Variants in SART3 observed in about 807,000 individuals in gnomAD.
SART3 encodes the protein HIV-1 Tat-interacting protein of 110kDa.
A neutral mutation model predicts 122.3 loss-of-function variants in SART3; 44 were observed. That is an observed-to-expected ratio of 0.36 (90% confidence interval 0.28 to 0.46). SART3 has a LOEUF of 0.46. Ranked by LOEUF, SART3 falls within the 20% of genes least tolerant of loss-of-function variation. SART3 has a pLI of 1.00. For synonymous variants in SART3, 442 were observed against 454.0 expected, an observed-to-expected ratio of 0.97 and a Z score of 0.34; for missense variants, 1,101 against 1,229.0, an observed-to-expected ratio of 0.90 and a Z score of 1.56.
chr12:108,526,378 G>A lies in SART3; in HGVS notation c.2091C>T (p.His697=), dbSNP rs140374660. The change falls in exon 16 of 19, where the codon CAC becomes CAT. Residue 697 remains histidine (H), a synonymous_variant. Coordinates refer to ENST00000546815, the MANE Select transcript of SART3 (RefSeq NM_014706.4). ...CGGTGATGCTGTCCTTGCTGCTGTC[G>A]TGCAGCACCTTGGGCATGTCCCTCT... is the stretch of plus-strand genomic sequence containing the variant. ...SLKRDMPKVL[H]DSSKDSITVF... 40 of 1,613,798 alleles carry A rather than the reference G, an allele frequency of 2.5e-5. No individual in the cohort carries two copies. Among genetic ancestry groups the A allele is most frequent in the African/African-American group, 5.3e-5 (4 of 74,920 alleles).
At chr12:108,555,155 A>C (rs951529955) in intron 1 of SART3, among the ~76,000 whole-genome samples, 1 of 152,232 alleles carries the variant, frequency 6.6e-6, no homozygotes, top group Non-Finnish European at 1.5e-5. Flanking sequence ...ACTATACTTA[A>C]CACTACTGAA....
Position 108,545,984 on chromosome 12 carries a change from A to AAAAC in SART3, c.545-662_545-661insGTTT, listed in dbSNP as rs1485251667. 3.4e-5 allele frequency among the ~76,000 whole-genome samples: 5 copies of AAAAC among 149,100 alleles called. No homozygotes were observed. In the East Asian group the frequency reaches 9.7e-4, roughly 29 times the overall value. On this transcript the variant is annotated intron_variant, in intron 3 of 18. Transcript: ENST00000546815. ...CTCTCTCTCAAAAAAAAAAAAAAAAACACACATATAATATAGTTTTATATT... is the reference window on the plus strand; with the variant it reads ...CTCTCTCTCAAAAAAAAAAAAAAAAAAAACCACACATATAATATAGTTTTATATT...
chr12:108,535,293 G>C, intron 12 of SART3, 66 bp downstream of exon 12: 2 of 1,288,364 alleles, frequency 1.6e-6, no homozygotes, highest in Non-Finnish European at 2.3e-6. Context: ...GTAGGAGTCA[G>C]CCAGGAGTGA....
intron 14 of SART3, among the ~76,000 whole-genome samples, 191 bp from the exon 15 acceptor site, chr12:108,530,501 GTC>G (rs1872628226): frequency 6.6e-6 from 1 of 152,138 alleles, no homozygotes; most frequent in African/African-American, 2.4e-5. Context: ...TGGATCTGAT[GTC>G]TCTGTTACAT....
In SART3 at chr12:108,526,447, A is replaced by G. The variant is rs148887014; in HGVS notation, c.2022T>C (p.Asp674=). The change falls in exon 16 of 19, where the codon GAT becomes GAC. Residue 674 remains aspartate, a synonymous_variant. Transcript: ENST00000546815. ...CCTTCTGCTTCGAAGGGGGCTCCAC[A>G]TCTACGGCAGCACATTTCCCAGCGG... ...AGPAGKCAAV[D]VEPPSKQKEK... The G allele has an allele frequency of 5.0e-6, 8 of 1,614,068 alleles. No individual in the cohort carries two copies. Among genetic ancestry groups the G allele is most frequent in the South Asian group, 1.1e-5 (1 of 91,086 alleles).
At chr12:108,540,071 A>G (rs969991610) in intron 6 of SART3, among the ~76,000 whole-genome samples, 17 of 152,206 alleles carry the variant, frequency 1.1e-4, no homozygotes, top group African/African-American at 4.1e-4. Context: ...AAAAGAGTCA[A>G]GAAGCCCAAA....
chr12:108,550,013 C>CAA (rs10572379), intron 1 of SART3, among the ~76,000 whole-genome samples: 47 of 88,154 alleles, frequency 5.3e-4, no homozygotes, highest in African/African-American at 1.3e-3. Context: ...GACCCAATCT[C>CAA]AAAAAAAAAA....
At chr12:108,556,409 TA>T (rs2030221425) in intron 1 of SART3, among the ~76,000 whole-genome samples, 1 of 152,248 alleles carries the variant, frequency 6.6e-6, no homozygotes, top group African/African-American at 2.4e-5. Context: ...GAAACTCTTG[TA>T]CATGATGTGA....
intron 1 of SART3, among the ~76,000 whole-genome samples, chr12:108,550,225 C>T (rs1385456232): frequency 1.3e-5 from 2 of 151,862 alleles, no homozygotes; most frequent in African/African-American, 4.8e-5. Flanking sequence ...TGAAGAATAG[C>T]TAAAGGAAGT....
rs554785720 is a variant in SART3, at chr12:108,539,615, G to GA, written c.907-527dup. ...AAGACATACAATCAAATTCTTTTTAGAAAAAAATCTTATTCGACATGTTTT... is the reference window on the plus strand; with the variant it reads ...AAGACATACAATCAAATTCTTTTTAGAAAAAAAATCTTATTCGACATGTTTT... On this transcript the variant is annotated intron_variant, in intron 6 of 18. Transcript: ENST00000546815. Among the ~76,000 whole-genome samples the GA allele has an allele frequency of 2.0e-5, 3 of 152,282 alleles. No individual in the cohort carries two copies. The South Asian group carries it at 6.2e-4, about 32-fold the overall frequency.
intron 11 of SART3, 53 bp downstream of exon 11, chr12:108,536,461 G>A: frequency 6.6e-7 from 1 of 1,512,760 alleles, no homozygotes; most frequent in Non-Finnish European, 9.2e-7. Flanking sequence ...AGTTTAATAG[G>A]ATGCTATTAA....
chr12:108,548,280 C>T (rs1184505694), intron 2 of SART3, among the ~76,000 whole-genome samples: 1 of 152,192 alleles, frequency 6.6e-6, no homozygotes, highest in Non-Finnish European at 1.5e-5. Context: ...GTGATAGTAA[C>T]ACTAATAATA....
At chr12:108,539,887 A>G (rs1477619603) in intron 6 of SART3, among the ~76,000 whole-genome samples, 1 of 152,240 alleles carries the variant, frequency 6.6e-6, no homozygotes, top group Non-Finnish European at 1.5e-5. Flanking sequence ...TAAATTAAAT[A>G]TAATATCTTC....
intron 5 of SART3, among the ~76,000 whole-genome samples, chr12:108,543,616 C>T (rs765677220): frequency 1.2e-4 from 19 of 152,318 alleles, no homozygotes; most frequent in African/African-American, 4.1e-4. Context: ...GGTTGTTTCA[C>T]GCTGGTAGGT....
rs748139593 is a variant in SART3, at chr12:108,549,226, A to G, written c.313-12T>C. The G allele has an allele frequency of 1.7e-5, 28 of 1,613,972 alleles. No individual in the cohort carries two copies. The Admixed American group carries it at 4.7e-4, about 27-fold the overall frequency. ...ACGTTGATAGACAACTAACAGGAAA[A>G]GAAACAAGTTGAAATTTAAAACACC... On this transcript the variant is annotated splice_polypyrimidine_tract_variant and intron_variant, in intron 1 of 18. Coordinates refer to ENST00000546815, the MANE Select transcript of SART3 (RefSeq NM_014706.4).
chr12:108,555,965 AAG>A (rs1425478132), intron 1 of SART3, among the ~76,000 whole-genome samples: 2 of 152,206 alleles, frequency 1.3e-5, no homozygotes, highest in Non-Finnish European at 2.9e-5. Flanking sequence ...AGACAAACTG[AAG>A]AGAGAGCCCA....
rs761902002 is a variant in SART3 at position 108,532,259 on chromosome 12, G to A, written c.1632C>T (p.His544=). 32 of 1,614,046 alleles carry A rather than the reference G, an allele frequency of 2.0e-5. No homozygotes were observed. Among genetic ancestry groups the A allele is most frequent in the South Asian group, 2.0e-4 (18 of 91,084 alleles). The part of the protein sequence containing the change: ...AVQCTSDYPE[H]VCEVLLTMER... ...CCATGGTGAGTAACACTTCGCAGAC[G>A]TGCTCTGGGTAGTCACTGGTGCACT... The change falls in exon 13 of 19, where the codon CAC becomes CAT. Residue 544 remains histidine, a synonymous_variant. Transcript: ENST00000546815.
At position 108,538,209 on chromosome 12, in the gene SART3, A is replaced by T. The variant is rs1001842400; in HGVS notation, c.1063-6T>A. 1.2e-6 allele frequency: 2 copies of T among 1,614,038 alleles called. No homozygotes were observed. Among genetic ancestry groups the T allele is most frequent in the Non-Finnish European group, 1.7e-6 (2 of 1,179,978 alleles). The stretch of plus-strand genomic sequence containing the variant: ...TTTACTTTCAGTTGTCGATCCTATG[A>T]TAAAGAATTCCAGAGTTAGGAAATT... On this transcript the variant is annotated splice_polypyrimidine_tract_variant and splice_region_variant and intron_variant, in intron 7 of 18. Transcript: ENST00000546815.
intron 3 of SART3, among the ~76,000 whole-genome samples, chr12:108,546,234 C>G (rs946747155): frequency 1.1e-4 from 16 of 152,124 alleles, no homozygotes; most frequent in African/African-American, 3.9e-4. Context: ...CAGTCTCGTT[C>G]TGTCGCCCAG....
Sources: gnomAD v4.1 joint callset for allele counts (sites outside exome capture counted in the v4.1 genomes callset) on GRCh38, gnomAD v4.1.1 for gene constraint, MANE v1.5 for transcripts, NCBI Gene and HGNC (gene_info 2026-07-23, HGNC 2026-07-21) for gene names.